CSNK1D: variants seen among roughly 807,000 people sequenced by gnomAD.
CSNK1D encodes casein kinase 1 delta, also known as casein kinase I isoform delta.
A neutral mutation model predicts 46.6 loss-of-function variants in CSNK1D; 16 were observed. That is an observed-to-expected ratio of 0.34 (90% CI 0.23 to 0.52). The LOEUF (loss-of-function observed/expected upper bound fraction) is 0.52. Ranked by LOEUF, CSNK1D falls within the 20% of genes least tolerant of loss-of-function variation. The pLI, the probability that CSNK1D is intolerant of heterozygous loss-of-function variation, is 0.95. For synonymous variants in CSNK1D, 276 were observed against 228.2 expected (o/e 1.21, Z -1.89); for missense variants, 398 against 578.4 (o/e 0.69, Z 3.20).
intron 8 of CSNK1D, chr17:82,245,049 C>T: frequency 1.5e-6 from 1 of 651,950 alleles, no homozygotes; most frequent in South Asian, 1.8e-5. Context: ...AAGAGGCATG[C>T]AAGCAAGGTG....
chr17:82,240,083 A>G (rs1226501908), downstream of CSNK1D: 19 of 1,233,220 alleles, frequency 1.5e-5, no homozygotes, highest in East Asian at 5.7e-4. Flanking sequence ...AAGCAAGCGA[A>G]AAGTGCACAT....
intron 8 of CSNK1D, chr17:82,246,968 C>T (rs568974494): frequency 1.1e-4 from 113 of 985,508 alleles, no homozygotes; most frequent in African/African-American, 1.0e-3. Flanking sequence ...ACAGCCACCA[C>T]GTGTGCTGGT....
At chr17:82,246,382 G>A in intron 8 of CSNK1D, 1 of 1,259,572 alleles carries the variant, frequency 7.9e-7, no homozygotes, top group Non-Finnish European at 1.0e-6. Context: ...CAGCCTGAAG[G>A]CAGGGGAGAC....
chr17:82,256,089 G>A (rs2051168064), intron 2 of CSNK1D, among the ~76,000 whole-genome samples: 1 of 152,116 alleles, frequency 6.6e-6, no homozygotes, highest in Non-Finnish European at 1.5e-5. Context: ...AACTTTTTGG[G>A]GATTTACACA....
downstream of CSNK1D, among the ~76,000 whole-genome samples, chr17:82,240,907 G>C (rs555105687): frequency 1.3e-5 from 2 of 152,176 alleles, no homozygotes; most frequent in Non-Finnish European, 2.9e-5. Context: ...GGGGCAGTGG[G>C]TCTGCTCTGA....
At chr17:82,271,076 C>A (rs1199327461) in intron 1 of CSNK1D, among the ~76,000 whole-genome samples, 1 of 152,070 alleles carries the variant, frequency 6.6e-6, no homozygotes, top group African/African-American at 2.4e-5. Context: ...CAAAGTACTT[C>A]TTATTTATTT....
rs2050782254 is a variant in CSNK1D, at chr17:82,243,730, C to T, written c.*1051G>A. 1 of 985,374 alleles carries T rather than the reference C, an allele frequency of 1.0e-6. No homozygotes were observed. The highest frequency in any genetic ancestry group is 4.7e-5 in the South Asian group (1 of 21,292). 61.0% of individuals were successfully genotyped at this position (985,374 alleles called of 1,614,324 possible). On this transcript the variant is annotated 3_prime_UTR_variant, in exon 9 of 9. Transcript: ENST00000314028. ...CCCCGCTCCTGGTTTTAAGCACAGG[C>T]ATTCATACAGACGGAGTGCCAATCC...
At position 82,252,397 on chromosome 17, in the gene CSNK1D, G is replaced by A. The variant is rs2051036150; in HGVS notation, c.736+37C>T. 1.2e-6 allele frequency: 2 copies of A among 1,611,882 alleles called. No individual in the cohort carries two copies. Among genetic ancestry groups the A allele is most frequent in the Non-Finnish European group, 1.7e-6 (2 of 1,178,154 alleles). On this transcript the variant is annotated intron_variant, in intron 5 of 8. Coordinates refer to ENST00000314028, the MANE Select transcript of CSNK1D (RefSeq NM_001893.6). This position sits in a 1 kb window ranked among gnomAD's most constrained non-coding sequence, Gnocchi z 4.6. ...CACCCGACACATATGCAACCCCTGT[G>A]AGCAGCTCCGCTGAGAAGAGGCCTC...
In CSNK1D at chr17:82,244,459, G is replaced by C. The variant is rs1197637447; in HGVS notation, c.*322C>G. On this transcript the variant is annotated 3_prime_UTR_variant, in exon 9 of 9. Coordinates refer to ENST00000314028, the MANE Select transcript of CSNK1D (RefSeq NM_001893.6). ...TGGTAGTTACAGTGGAATCGTCAGG[G>C]AGTACAGGGCGGCCACCACTGGAGG... 3.0e-6 allele frequency: 4 copies of C among 1,338,798 alleles called. No individual in the cohort carries two copies. In the African/African-American group the frequency reaches 5.9e-5, roughly 20 times the overall value. 82.9% of individuals were successfully genotyped at this position (1,338,798 alleles called of 1,614,324 possible).
rs1467438684 is a variant in CSNK1D at position 82,251,572 on chromosome 17, G to A, written c.737-45C>T. Reference sequence around the variant, plus strand: ...AAGCTAACTCATGAAACCCAACTGCGACTCAAGGTGTCTCTGCCAACGTCG... The same window carrying A: ...AAGCTAACTCATGAAACCCAACTGCAACTCAAGGTGTCTCTGCCAACGTCG... On this transcript the variant is annotated intron_variant, in intron 5 of 8. Coordinates refer to ENST00000314028, the MANE Select transcript of CSNK1D (RefSeq NM_001893.6). The surrounding 1 kb of genome is among the most constrained non-coding windows in gnomAD (Gnocchi z 4.5). 5.6e-6 allele frequency: 9 copies of A among 1,607,980 alleles called. No individual in the cohort carries two copies. The highest frequency in any genetic ancestry group is 3.3e-4 in the Middle Eastern group (2 of 6,052).
Position 82,249,844 on chromosome 17 carries a change from T to A in CSNK1D, c.886-242A>T. The A allele has an allele frequency of 7.0e-7, 1 of 1,425,786 alleles. No individual in the cohort carries two copies. The highest frequency in any genetic ancestry group is 9.1e-7 in the Non-Finnish European group (1 of 1,093,744). The allele number at this position is 1,425,786 out of a possible 1,614,324, so 88.3% of individuals were successfully genotyped here. A position where few individuals can be genotyped will look rare whatever the true frequency, so the allele number is the denominator to read the frequency against. ...CGAAAAAACCCCACTCGCCATGGCA[T>A]CTCCCTGTGGGCTCAGAACTTCCTT... On this transcript the variant is annotated intron_variant, in intron 6 of 8. Transcript: ENST00000314028. The surrounding 1 kb of genome is among the most constrained non-coding windows in gnomAD (Gnocchi z 6.7).
At chr17:82,266,166 G>A (rs761687539) in intron 1 of CSNK1D, among the ~76,000 whole-genome samples, 4 of 152,158 alleles carry the variant, frequency 2.6e-5, no homozygotes, top group African/African-American at 4.8e-5. Context: ...AGAGCTCCAC[G>A]GTGCCATTCC....
chr17:82,267,106 G>A (rs1044241294), intron 1 of CSNK1D: 33 of 149,848 alleles, frequency 2.2e-4, no homozygotes, highest in African/African-American at 7.6e-4. Context: ...TCCCAACAGC[G>A]TGGCTATGTG....
At chr17:82,247,794 T>C (rs2050888803) in intron 8 of CSNK1D, 1 of 985,254 alleles carries the variant, frequency 1.0e-6, no homozygotes, top group Admixed American at 6.2e-5. Context: ...AAAGTCAAAA[T>C]AACCACGAAG....
intron 1 of CSNK1D, among the ~76,000 whole-genome samples, chr17:82,270,714 G>A (rs564087935): frequency 1.6e-4 from 25 of 152,178 alleles, no homozygotes; most frequent in African/African-American, 4.8e-4. Flanking sequence ...TCGTCTGAAA[G>A]GACCACAGTG....
chr17:82,244,075 C>T lies in CSNK1D; in HGVS notation c.*706G>A. The T allele has an allele frequency of 2.0e-6, 2 of 990,266 alleles. No individual in the cohort carries two copies. Among genetic ancestry groups the T allele is most frequent in the Non-Finnish European group, 2.4e-6 (2 of 832,664 alleles). 61.3% of individuals were successfully genotyped at this position (990,266 alleles called of 1,614,324 possible). A position where few individuals can be genotyped will look rare whatever the true frequency, so the allele number is the denominator to read the frequency against. ...CAAGAGTTCCTGACAGCAGGCATGT[C>T]AATTACGGGAGGAGGGAGGGTGAGA... On this transcript the variant is annotated 3_prime_UTR_variant, in exon 9 of 9. Transcript: ENST00000314028.
rs918938026 is a variant in CSNK1D at position 82,249,927 on chromosome 17, C to T, written c.886-325G>A. On this transcript the variant is annotated intron_variant, in intron 6 of 8. Coordinates refer to ENST00000314028, the MANE Select transcript of CSNK1D (RefSeq NM_001893.6). This position sits in a 1 kb window ranked among gnomAD's most constrained non-coding sequence, Gnocchi z 6.7. Reference sequence around the variant, plus strand: ...TGCTCTGTGAACATGCTCACTAACACGTGCAGAAAGAGGAGAGGGACAGGA... The same window carrying T: ...TGCTCTGTGAACATGCTCACTAACATGTGCAGAAAGAGGAGAGGGACAGGA... 6 of 1,301,542 alleles carry T rather than the reference C, an allele frequency of 4.6e-6. No individual in the cohort carries two copies. Among genetic ancestry groups the T allele is most frequent in the East Asian group, 7.3e-5 (2 of 27,428 alleles). The allele number at this position is 1,301,542 out of a possible 1,614,324, so 80.6% of individuals were successfully genotyped here.
downstream of CSNK1D, among the ~76,000 whole-genome samples, chr17:82,241,728 G>T (rs746139619): frequency 4.6e-5 from 7 of 152,232 alleles, no homozygotes; most frequent in Non-Finnish European, 8.8e-5. Flanking sequence ...AGACAGGGAA[G>T]GCCCGGAAGC....
intron 2 of CSNK1D, among the ~76,000 whole-genome samples, chr17:82,264,277 C>G (rs771666643): frequency 5.9e-5 from 9 of 152,230 alleles, no homozygotes; most frequent in Non-Finnish European, 8.8e-5. Context: ...ACAGACGTGG[C>G]ACAGCCACTC....
Sources: gnomAD v4.1 joint callset for allele counts (sites outside exome capture counted in the v4.1 genomes callset) on GRCh38, gnomAD v4.1.1 for gene constraint, Gnocchi (gnomAD v3.1) non-coding constraint, MANE v1.5 for transcripts, NCBI Gene and HGNC (gene_info 2026-07-23, HGNC 2026-07-21) for gene names.